PAIP2: variants seen among roughly 807,000 people sequenced by gnomAD.
PAIP2 encodes the protein polyadenylate-binding protein-interacting protein 2.
In PAIP2, 7 loss-of-function variants were observed where a neutral mutation model predicts 14.8. The ratio of observed to expected loss-of-function variants is 0.47; its 90% CI spans 0.27 to 0.89. The LOEUF (loss-of-function observed/expected upper bound fraction) is 0.89, where lower values mean the gene tolerates loss of function less well. Among genes scored for constraint, PAIP2 ranks in the 40% least tolerant of loss-of-function variants. The pLI, the probability that PAIP2 is intolerant of heterozygous loss-of-function variation, is 0.13. For synonymous variants in PAIP2, 47 were observed against 45.3 expected, an observed-to-expected ratio of 1.04 and a Z score of -0.15; for missense variants, 122 against 154.7, an observed-to-expected ratio of 0.79 and a Z score of 1.12.
At chr5:139,348,154 A>AC (rs1161221487) in intron 1 of PAIP2, among the ~76,000 whole-genome samples, 5 of 151,892 alleles carry the variant, frequency 3.3e-5, no homozygotes, top group Admixed American at 6.6e-5. Context: ...TCAAAAAAAA[A>AC]AAAAAAAAAA....
chr5:139,354,552 T>A (rs886226866), intron 1 of PAIP2, among the ~76,000 whole-genome samples: 1 of 152,198 alleles, frequency 6.6e-6, no homozygotes, highest in Non-Finnish European at 1.5e-5. Flanking sequence ...TTTGTGTCTT[T>A]TTATCAAATT....
chr5:139,351,466 T>G (rs1756732446), intron 1 of PAIP2, among the ~76,000 whole-genome samples: 1 of 152,210 alleles, frequency 6.6e-6, no homozygotes, highest in Non-Finnish European at 1.5e-5. Flanking sequence ...GAAGATTTTA[T>G]GTAATGTATT....
At chr5:139,365,311 C>T (rs1464233296) in intron 3 of PAIP2, among the ~76,000 whole-genome samples, 2 of 151,722 alleles carry the variant, frequency 1.3e-5, no homozygotes, top group Non-Finnish European at 2.9e-5. Context: ...CGTGGTGAAA[C>T]CCCATCTGTA....
At chr5:139,345,397 G>GGTGCTTTTCACAGTCT (rs1561956013) in intron 1 of PAIP2, among the ~76,000 whole-genome samples, 1 of 152,022 alleles carries the variant, frequency 6.6e-6, no homozygotes, top group African/African-American at 2.4e-5. Context: ...CAAAAAATTC[G>GGTGCTTTTCACAGTCT]GTGCTTTTCA....
intron 1 of PAIP2, among the ~76,000 whole-genome samples, chr5:139,362,655 C>G (rs1757105023): frequency 6.6e-6 from 1 of 151,940 alleles, no homozygotes. Context: ...GGTGATCCAC[C>G]TGCCTCGGCC....
At chr5:139,352,575 G>T (rs917385170) in intron 1 of PAIP2, among the ~76,000 whole-genome samples, 3 of 145,258 alleles carry the variant, frequency 2.1e-5, no homozygotes, top group Admixed American at 1.5e-4. Context: ...TTGGCTCACC[G>T]CAACCTCTGC....
intron 1 of PAIP2, chr5:139,342,367 T>G (rs956421348): frequency 6.6e-6 from 1 of 152,004 alleles, no homozygotes; most frequent in Non-Finnish European, 1.5e-5. Flanking sequence ...CAAAGCTTAT[T>G]GTTTCTACCC....
Position 139,363,835 on chromosome 5 carries a change from T to C in PAIP2, c.51T>C (p.Asp17=), listed in dbSNP as rs751922665. The change falls in exon 2 of 4, where the codon GAT becomes GAC. Residue 17 remains aspartate (D), a synonymous_variant. Coordinates refer to ENST00000265192, the MANE Select transcript of PAIP2 (RefSeq NM_016480.5). ...SSTSPSIINE[D]VIINGHSHED... The stretch of plus-strand genomic sequence containing the variant: ...CTAGCCCAAGCATCATCAATGAAGA[T>C]GTGATTATTAACGGTCATTCTCATG... The C allele has an allele frequency of 6.2e-7, 1 of 1,613,984 alleles. No individual in the cohort carries two copies. Among genetic ancestry groups the C allele is most frequent in the Non-Finnish European group, 8.5e-7 (1 of 1,179,828 alleles).
chr5:139,368,918 T>G lies in PAIP2; in HGVS notation c.*120T>G. 1.5e-6 allele frequency: 1 copy of G among 687,738 alleles called. No homozygotes were observed. The highest frequency in any genetic ancestry group is 2.5e-6 in the Non-Finnish European group (1 of 395,476). The allele number at this position is 687,738 out of a possible 1,614,324, so 42.6% of individuals were successfully genotyped here. A position where few individuals can be genotyped will look rare whatever the true frequency, so the allele number is the denominator to read the frequency against. On this transcript the variant is annotated 3_prime_UTR_variant, in exon 4 of 4. Coordinates refer to ENST00000265192, the MANE Select transcript of PAIP2 (RefSeq NM_016480.5). ...GTTACACTTATGCATTGCCAAAGTT[T>G]TTGTTAGTCTTGCATGCTTAATAAA... is the stretch of plus-strand genomic sequence containing the variant.
chr5:139,359,682 A>C (rs527290206), intron 1 of PAIP2, among the ~76,000 whole-genome samples: 1 of 151,484 alleles, frequency 6.6e-6, no homozygotes, highest in South Asian at 2.1e-4. Context: ...AGAATGAGTA[A>C]TTTTCGGCCG....
At chr5:139,361,414 T>G (rs933010362) in intron 1 of PAIP2, among the ~76,000 whole-genome samples, 6 of 152,184 alleles carry the variant, frequency 3.9e-5, no homozygotes, top group Non-Finnish European at 5.9e-5. Flanking sequence ...TAAGCAGACC[T>G]CAATAAGCCT....
At chr5:139,359,815 CAA>C (rs1398783982) in intron 1 of PAIP2, among the ~76,000 whole-genome samples, 1 of 150,990 alleles carries the variant, frequency 6.6e-6, no homozygotes, top group African/African-American at 2.4e-5. Context: ...ACTAAAAATA[CAA>C]AAAAATTAGC....
chr5:139,358,082 G>A (rs1756968386), intron 1 of PAIP2, among the ~76,000 whole-genome samples: 1 of 152,046 alleles, frequency 6.6e-6, no homozygotes, highest in African/African-American at 2.4e-5. Flanking sequence ...TGCCCATGCT[G>A]GTTTTCAACA....
chr5:139,349,830 C>G (rs898693915), intron 1 of PAIP2, among the ~76,000 whole-genome samples: 1 of 151,902 alleles, frequency 6.6e-6, no homozygotes, highest in Non-Finnish European at 1.5e-5. Context: ...GGTGAAACCC[C>G]GTTTCTACTA....
chr5:139,363,646 T>C, intron 1 of PAIP2, 113 bp from the exon 2 acceptor site: 1 of 846,438 alleles, frequency 1.2e-6, no homozygotes, highest in Non-Finnish European at 1.8e-6. Flanking sequence ...GAGGCTGTGG[T>C]GAGCCATGAT....
intron 3 of PAIP2, among the ~76,000 whole-genome samples, chr5:139,366,237 G>C (rs1392612642): frequency 1.3e-5 from 2 of 151,146 alleles, no homozygotes; most frequent in African/African-American, 4.9e-5. Flanking sequence ...GGGGTGGGGG[G>C]AATTGTGATA....
intron 1 of PAIP2, among the ~76,000 whole-genome samples, chr5:139,345,068 C>A (rs556181409): frequency 6.6e-6 from 1 of 151,708 alleles, no homozygotes; most frequent in Admixed American, 6.6e-5. Context: ...GTTTTTGAAA[C>A]GGAGTCTTGC....
chr5:139,364,047 C>G (rs561509951), intron 2 of PAIP2, 125 bp downstream of exon 2: 4 of 789,896 alleles, frequency 5.1e-6, no homozygotes, highest in Non-Finnish European at 8.1e-6. Flanking sequence ...TGCCACCACT[C>G]CTGTTTATTT....
intron 2 of PAIP2, 35 bp downstream of exon 2, chr5:139,363,957 A>C (rs776471410): frequency 1.3e-6 from 2 of 1,586,586 alleles, no homozygotes; most frequent in South Asian, 1.1e-5. Flanking sequence ...TTTATAGTCC[A>C]TTCTGGCCCT....
Sources: allele counts gnomAD v4.1 joint callset (sites outside exome capture counted in the v4.1 genomes callset), GRCh38; gene constraint gnomAD v4.1.1; transcripts MANE v1.5; gene names NCBI Gene and HGNC (gene_info 2026-07-23, HGNC 2026-07-21).